AHI1: variants seen among roughly 807,000 people sequenced by gnomAD.
AHI1 encodes the protein Abelson helper integration site 1.
AHI1 carries 123 observed loss-of-function variants against 149.3 expected under a neutral mutation model. The ratio of observed to expected loss-of-function variants is 0.82; its 90% CI spans 0.71 to 0.96. AHI1 has a LOEUF of 0.96. Ranked by LOEUF, AHI1 falls within the 40% of genes least tolerant of loss-of-function variation. The pLI is 0.00. For missense variants in AHI1, 1,439 were observed against 1,422.7 expected (o/e 1.01, Z -0.18); for synonymous variants, 475 against 459.8 (o/e 1.03, Z -0.42).
intron 20 of AHI1, among the ~76,000 whole-genome samples, chr6:135,423,572 G>C (rs996280495): frequency 2.0e-5 from 3 of 152,078 alleles, no homozygotes; most frequent in Non-Finnish European, 4.4e-5. Context: ...GTCAGTAGTA[G>C]AAACTGCTTT....
chr6:135,481,775 A>G (rs183069775), intron 5 of AHI1, among the ~76,000 whole-genome samples: 10 of 149,102 alleles, frequency 6.7e-5, no homozygotes, highest in Admixed American at 2.7e-4. Flanking sequence ...GTGCACCTCA[A>G]AAAGTTTTTA....
intron 5 of AHI1, among the ~76,000 whole-genome samples, chr6:135,477,675 C>T (rs1483161429): frequency 6.6e-6 from 1 of 152,192 alleles, no homozygotes; most frequent in Non-Finnish European, 1.5e-5. Flanking sequence ...CTCTCTCTCT[C>T]TCTCCTGCTC....
intron 28 of AHI1, among the ~76,000 whole-genome samples, chr6:135,286,823 C>T (rs139871054): frequency 3.4e-4 from 51 of 152,176 alleles, no homozygotes; most frequent in African/African-American, 1.2e-3. Context: ...CATGAATGCA[C>T]ATGAAGTTGA....
At chr6:135,314,976 C>T (rs993782517) in intron 26 of AHI1, among the ~76,000 whole-genome samples, 1 of 152,196 alleles carries the variant, frequency 6.6e-6, no homozygotes, top group Non-Finnish European at 1.5e-5. Flanking sequence ...ATTTCACCAA[C>T]TAAATGTATT....
chr6:135,393,587 A>G (rs896030661), intron 23 of AHI1, among the ~76,000 whole-genome samples: 7 of 152,110 alleles, frequency 4.6e-5, no homozygotes, highest in Non-Finnish European at 1.0e-4. Context: ...AGCCCACACT[A>G]TTACTTTAGT....
chr6:135,285,298 C>A lies in AHI1; in HGVS notation c.*347G>T. On this transcript the variant is annotated 3_prime_UTR_variant, in exon 29 of 29. Transcript: ENST00000265602. ...GATTACTTAACAGACATCCTAATAACGCAAACACCTTTTATTCACATTTGC... is the reference window on the plus strand; with the variant it reads ...GATTACTTAACAGACATCCTAATAAAGCAAACACCTTTTATTCACATTTGC... The A allele has an allele frequency of 2.9e-6, 1 of 339,378 alleles. No homozygotes were observed. Among genetic ancestry groups the A allele is most frequent in the South Asian group, 4.6e-5 (1 of 21,700 alleles). The allele number at this position is 339,378 out of a possible 1,614,324, so 21.0% of individuals were successfully genotyped here.
chr6:135,380,544 C>G (rs914205629), intron 23 of AHI1, among the ~76,000 whole-genome samples: 1 of 152,124 alleles, frequency 6.6e-6, no homozygotes, highest in African/African-American at 2.4e-5. Flanking sequence ...TAATGTCATT[C>G]TCCACTAGAA....
At chr6:135,442,847 G>A in intron 13 of AHI1, 133 bp from the exon 14 acceptor site, 1 of 830,356 alleles carries the variant, frequency 1.2e-6, no homozygotes, top group Non-Finnish European at 1.8e-6. Context: ...TACGCAGAAT[G>A]GTGAAAAACC....
intron 10 of AHI1, 48 bp from the exon 11 acceptor site, chr6:135,453,484 T>G: frequency 7.7e-7 from 1 of 1,296,164 alleles, no homozygotes; most frequent in Non-Finnish European, 1.1e-6. Context: ...TTTAATATTT[T>G]CTAATGGTAC....
chr6:135,323,782 T>C (rs1787235003), intron 24 of AHI1, among the ~76,000 whole-genome samples: 1 of 152,236 alleles, frequency 6.6e-6, no homozygotes, highest in African/African-American at 2.4e-5. Context: ...TGGTTTACTG[T>C]TAATGTCTTT....
At chr6:135,337,808 A>C (rs1049498672) in intron 24 of AHI1, among the ~76,000 whole-genome samples, 2 of 151,046 alleles carry the variant, frequency 1.3e-5, no homozygotes, top group African/African-American at 4.9e-5. Context: ...AATCTTGAGT[A>C]CTAAAATTAA....
At chr6:135,489,798 C>T (rs1794987119) in intron 5 of AHI1, 1 of 168,612 alleles carries the variant, frequency 5.9e-6, no homozygotes, top group Admixed American at 6.2e-5. Context: ...TTGACATCTG[C>T]CAGACAGAAT....
At chr6:135,337,481 A>C (rs1789569405) in intron 24 of AHI1, among the ~76,000 whole-genome samples, 1 of 152,058 alleles carries the variant, frequency 6.6e-6, no homozygotes, top group African/African-American at 2.4e-5. Context: ...TGAAGAGGCC[A>C]AGTGCAGTGG....
chr6:135,375,993 T>A (rs75284560), intron 23 of AHI1, among the ~76,000 whole-genome samples: 7 of 151,540 alleles, frequency 4.6e-5, no homozygotes, highest in East Asian at 1.9e-4. Context: ...CTTTGCCAAA[T>A]TGGGGACAAT....
At chr6:135,492,134 C>A in intron 4 of AHI1, 94 bp downstream of exon 4, 1 of 901,048 alleles carries the variant, frequency 1.1e-6, no homozygotes, top group Non-Finnish European at 1.7e-6. Flanking sequence ...CTACTGTATT[C>A]ATTAATCTGT....
At chr6:135,491,309 G>A (rs952737556) in intron 4 of AHI1, among the ~76,000 whole-genome samples, 4 of 151,986 alleles carry the variant, frequency 2.6e-5, no homozygotes, top group Non-Finnish European at 5.9e-5. Context: ...CTATCTCCAG[G>A]GCTTCAAATC....
chr6:135,423,911 AGACTTGACTCCACT>A lies in AHI1; in HGVS notation c.2764+3242_2764+3255del, dbSNP rs551135482. Among the ~76,000 whole-genome samples the A allele has an allele frequency of 2.3e-3, 353 of 152,200 alleles. 3 individuals are homozygous for A. The highest frequency in any genetic ancestry group is 7.9e-3 in the African/African-American group (330 of 41,548). ...GACAATGCTGAGAACTTCTCAAATT[AGACTTGACTCCACT>A]GACTTGACTCCACTGAAAACACTAC... On this transcript the variant is annotated intron_variant, in intron 20 of 28. Coordinates refer to ENST00000265602, the MANE Select transcript of AHI1 (RefSeq NM_001134831.2).
intron 22 of AHI1, among the ~76,000 whole-genome samples, chr6:135,403,793 T>C (rs1223667285): frequency 1.3e-5 from 2 of 152,164 alleles, no homozygotes; most frequent in East Asian, 1.9e-4. Context: ...TTGTTCTCTT[T>C]TCCCCCCTCG....
intron 24 of AHI1, among the ~76,000 whole-genome samples, chr6:135,354,173 C>T (rs1361877296): frequency 6.6e-6 from 1 of 152,054 alleles, no homozygotes; most frequent in African/African-American, 2.4e-5. Context: ...TTTGTTCTCT[C>T]TACCGGGGTT....
Sources: allele counts gnomAD v4.1 joint callset (sites outside exome capture counted in the v4.1 genomes callset), GRCh38; gene constraint gnomAD v4.1.1; transcripts MANE v1.5; gene names NCBI Gene and HGNC (gene_info 2026-07-23, HGNC 2026-07-21).